Variants in TM9SF2 observed in about 807,000 individuals in gnomAD.
The protein encoded by TM9SF2 is 76 kDa membrane protein.
In TM9SF2, 13 loss-of-function variants were observed where a neutral mutation model predicts 84.9. That is an observed-to-expected ratio of 0.15 (90% CI 0.10 to 0.24). The LOEUF (loss-of-function observed/expected upper bound fraction) is 0.24, where lower values mean the gene tolerates loss of function less well. Ranked by LOEUF, TM9SF2 falls within the 10% of genes least tolerant of loss-of-function variation. The probability of loss-of-function intolerance (pLI) is 1.00; values close to 1 mark genes in which losing one functional copy is unlikely to be tolerated. For missense variants in TM9SF2, 562 were observed against 818.5 expected, an observed-to-expected ratio of 0.69 and a Z score of 3.82; for synonymous variants, 273 against 285.8, an observed-to-expected ratio of 0.96 and a Z score of 0.45.
At chr13:99,543,304 TTTTG>T (rs1405542007) in intron 9 of TM9SF2, among the ~76,000 whole-genome samples, 1 of 152,232 alleles carries the variant, frequency 6.6e-6, no homozygotes, top group Non-Finnish European at 1.5e-5. Flanking sequence ...TCCTGACTTA[TTTTG>T]TTTATTGTCT....
chr13:99,552,724 C>G (rs1470909426), intron 13 of TM9SF2, among the ~76,000 whole-genome samples: 1 of 152,204 alleles, frequency 6.6e-6, no homozygotes, highest in East Asian at 1.9e-4. Flanking sequence ...CTGCCTCAGC[C>G]TCCCGAGTAG....
At chr13:99,546,565 G>C (rs1350985296) in intron 10 of TM9SF2, among the ~76,000 whole-genome samples, 1 of 150,426 alleles carries the variant, frequency 6.6e-6, no homozygotes, top group Non-Finnish European at 1.5e-5. Flanking sequence ...GTAAGGTTTT[G>C]GGTTTTTTTT....
chr13:99,509,667 A>G (rs555387157), intron 1 of TM9SF2, among the ~76,000 whole-genome samples: 2 of 152,300 alleles, frequency 1.3e-5, no homozygotes, highest in South Asian at 2.1e-4. Flanking sequence ...GGTCTGACCT[A>G]TAAACCCATT....
intron 1 of TM9SF2, among the ~76,000 whole-genome samples, chr13:99,504,045 G>A (rs2046078689): frequency 6.6e-6 from 1 of 152,102 alleles, no homozygotes; most frequent in South Asian, 2.1e-4. Flanking sequence ...TTTTTCCTGC[G>A]ATATGACTAA....
chr13:99,532,470 A>G lies in TM9SF2; in HGVS notation c.461+2876A>G, dbSNP rs2046215098. Among the ~76,000 whole-genome samples the G allele has an allele frequency of 2.6e-5, 4 of 151,848 alleles. No individual in the cohort carries two copies. The South Asian group carries it at 8.3e-4, about 32-fold the overall frequency. On this transcript the variant is annotated intron_variant, in intron 4 of 16. Transcript: ENST00000376387. ...TTTGGGAGGCCAAGGCAGGCAGATC[A>G]CCTGAGGCCAGGAGTTCGAGACCAG... is the stretch of plus-strand genomic sequence containing the variant.
intron 1 of TM9SF2, chr13:99,514,424 G>A (rs2046125647): frequency 6.6e-6 from 1 of 152,212 alleles, no homozygotes; most frequent in African/African-American, 2.4e-5. Context: ...TGTGTTAACA[G>A]TTGCCCACAG....
intron 4 of TM9SF2, among the ~76,000 whole-genome samples, chr13:99,529,797 T>G (rs1177642672): frequency 4.6e-5 from 7 of 152,234 alleles, no homozygotes; most frequent in Non-Finnish European, 1.0e-4. Flanking sequence ...TTAACTGTGT[T>G]TAGATTACTG....
intron 3 of TM9SF2, among the ~76,000 whole-genome samples, chr13:99,528,263 G>A (rs879503024): frequency 2.0e-5 from 3 of 152,210 alleles, no homozygotes; most frequent in Non-Finnish European, 2.9e-5. Flanking sequence ...GTTCTCCGGA[G>A]CTCAACTCAC....
Position 99,501,627 on chromosome 13 carries a change from G to A in TM9SF2, c.21G>A (p.Val7=). 2 of 1,612,700 alleles carry A rather than the reference G, an allele frequency of 1.2e-6. No homozygotes were observed. Among genetic ancestry groups the A allele is most frequent in the Non-Finnish European group, 1.7e-6 (2 of 1,179,382 alleles). ...CTATCATGAGCGCGAGGCTGCCGGT[G>A]TTGTCTCCACCTCGGTGGCCGCGGC... MSARLP[V]LSPPRWPRLL... is the part of the protein sequence containing the mutation. Residue 7 remains valine, a synonymous_variant, in exon 1 of 17, where the codon GTG becomes GTA. Coordinates refer to ENST00000376387, the MANE Select transcript of TM9SF2 (RefSeq NM_004800.3).
intron 13 of TM9SF2, 144 bp downstream of exon 13, chr13:99,552,470 A>G (rs984696574): frequency 9.1e-6 from 8 of 875,904 alleles, no homozygotes; most frequent in South Asian, 2.1e-5. Flanking sequence ...TTAAAATAGT[A>G]GTATTATTTA....
At chr13:99,541,709 G>A (rs781692116) in intron 9 of TM9SF2, 42 bp downstream of exon 9, 14 of 1,316,108 alleles carry the variant, frequency 1.1e-5, no homozygotes, top group Non-Finnish European at 1.5e-5. Flanking sequence ...CAAGGACACT[G>A]TTTATTGTTA....
intron 4 of TM9SF2, among the ~76,000 whole-genome samples, chr13:99,530,026 TTA>T (rs2046201336): frequency 6.6e-6 from 1 of 152,200 alleles, no homozygotes; most frequent in Admixed American, 6.5e-5. Context: ...TGCAATAACA[TTA>T]TGTCTAAAAC....
chr13:99,525,000 A>G (rs2046176052), intron 3 of TM9SF2, among the ~76,000 whole-genome samples: 1 of 151,814 alleles, frequency 6.6e-6, no homozygotes, highest in Non-Finnish European at 1.5e-5. Context: ...AGGAGGAGGG[A>G]TTGGTTGATT....
At chr13:99,520,784 G>A (rs1483475542) in intron 3 of TM9SF2, among the ~76,000 whole-genome samples, 1 of 152,092 alleles carries the variant, frequency 6.6e-6, no homozygotes, top group Non-Finnish European at 1.5e-5. Flanking sequence ...TGGTCAGGCT[G>A]GTCTCAAACT....
intron 15 of TM9SF2, among the ~76,000 whole-genome samples, chr13:99,557,335 A>G (rs932899885): frequency 1.3e-5 from 2 of 152,176 alleles, no homozygotes; most frequent in African/African-American, 4.8e-5. Flanking sequence ...TCTTCTTTGG[A>G]GAAATAGCTA....
intron 10 of TM9SF2, among the ~76,000 whole-genome samples, chr13:99,545,724 G>A (rs1338061340): frequency 3.9e-5 from 6 of 152,130 alleles, no homozygotes; most frequent in East Asian, 3.9e-4. Flanking sequence ...CTGCCACCAC[G>A]CCTGGCTGAT....
At chr13:99,538,434 T>C (rs1333691911) in intron 6 of TM9SF2, among the ~76,000 whole-genome samples, 4 of 152,110 alleles carry the variant, frequency 2.6e-5, no homozygotes, top group Non-Finnish European at 5.9e-5. Flanking sequence ...TCTCATGCAC[T>C]GGTGGTCAAG....
At chr13:99,555,715 A>G in intron 15 of TM9SF2, 68 bp downstream of exon 15, 1 of 956,754 alleles carries the variant, frequency 1.0e-6, no homozygotes, top group Non-Finnish European at 1.6e-6. Flanking sequence ...CAATTTGTAT[A>G]TTATTAATTA....
rs1441255569 is a variant in TM9SF2 at position 99,552,219 on chromosome 13, T to A, written c.1381T>A (p.Ser461Thr). ...GAATCTGATCCTCTGGGGAGAAGGA[T>A]CTTCAGCAGCTATTCCTTTTGGGAC... is the stretch of plus-strand genomic sequence containing the variant. The part of the protein sequence containing the change: ...IMNLILWGEG[S>T]SAAIPFGTLV... The change falls in exon 13 of 17, where the codon TCT (serine) becomes ACT (threonine). Residue 461 changes from serine to threonine, a missense_variant. Coordinates refer to ENST00000376387, the MANE Select transcript of TM9SF2 (RefSeq NM_004800.3). 2 of 1,614,196 alleles carry A rather than the reference T, an allele frequency of 1.2e-6. No homozygotes were observed. The highest frequency in any genetic ancestry group is 2.2e-5 in the South Asian group (2 of 91,086).
Sources: allele counts gnomAD v4.1 joint callset (sites outside exome capture counted in the v4.1 genomes callset), GRCh38; gene constraint gnomAD v4.1.1; transcripts MANE v1.5; gene names NCBI Gene and HGNC (gene_info 2026-07-23, HGNC 2026-07-21).